The following RNF144A variants were observed in gnomAD, a reference collection of about 807,000 sequenced individuals.
RNF144A encodes the protein ring finger protein 144A, also known as E3 ubiquitin-protein ligase RNF144A.
In RNF144A, 11 loss-of-function variants were observed where a neutral mutation model predicts 38.7. The ratio of observed to expected loss-of-function variants is 0.28; its 90% CI spans 0.18 to 0.47. The LOEUF (loss-of-function observed/expected upper bound fraction) is 0.47. Ranked by LOEUF, RNF144A falls within the 20% of genes least tolerant of loss-of-function variation. The pLI, the probability that RNF144A is intolerant of heterozygous loss-of-function variation, is 0.99. For missense variants in RNF144A, 316 were observed against 377.2 expected (o/e 0.84, Z 1.34); for synonymous variants, 149 against 143.9 (o/e 1.04, Z -0.25).
In RNF144A at chr2:6,917,612, A is replaced by AGCAGGCCCAGGTAGAGTGACGC. The variant is rs1212337006; in HGVS notation, c.-219_-212+14dup. The AGCAGGCCCAGGTAGAGTGACGC allele has an allele frequency of 3.7e-4, 55 of 147,686 alleles. No individual in the cohort carries two copies. Among genetic ancestry groups the AGCAGGCCCAGGTAGAGTGACGC allele is most frequent in the African/African-American group, 1.2e-3 (48 of 40,978 alleles). The allele number at this position is 147,686 out of a possible 1,614,324, so 9.1% of individuals were successfully genotyped here. ...GCGTCAGAGCCGCGCACCGCGGACG[A>AGCAGGCCCAGGTAGAGTGACGC]GCAGGCCCAGGTAGAGTGACGCGCG... On this transcript the variant is annotated 5_prime_UTR_variant, in exon 1 of 9. Transcript: ENST00000320892. The surrounding 1 kb of genome is among the most constrained non-coding windows in gnomAD (Gnocchi z 4.8).
At chr2:6,995,055 G>T (rs1161137159) in intron 2 of RNF144A, among the ~76,000 whole-genome samples, 1 of 152,064 alleles carries the variant, frequency 6.6e-6, no homozygotes, top group Non-Finnish European at 1.5e-5. Context: ...CTCCCTCCTG[G>T]TAGAATTCTC....
At chr2:7,048,914 A>T (rs1673409873), downstream of RNF144A, among the ~76,000 whole-genome samples, 1 of 152,172 alleles carries the variant, frequency 6.6e-6, no homozygotes. Flanking sequence ...TTCATTGGAT[A>T]CCTACTTTGC....
At chr2:6,938,235 T>TCTCCC (rs1248251604) in intron 1 of RNF144A, among the ~76,000 whole-genome samples, 26 of 116,726 alleles carry the variant, frequency 2.2e-4, no homozygotes, top group Admixed American at 1.6e-3. Context: ...CCCCTCCCCC[T>TCTCCC]CTCCCCTCCC....
At chr2:6,947,516 A>T (rs999916026) in intron 2 of RNF144A, among the ~76,000 whole-genome samples, 35 of 152,334 alleles carry the variant, frequency 2.3e-4, no homozygotes, top group Admixed American at 1.3e-4. Flanking sequence ...GCCCGAGAAG[A>T]AAGTTTCTAC....
At chr2:6,969,676 G>GA (rs991035096) in intron 2 of RNF144A, among the ~76,000 whole-genome samples, 1 of 152,236 alleles carries the variant, frequency 6.6e-6, no homozygotes, top group Non-Finnish European at 1.5e-5. Context: ...TGCCACAGGT[G>GA]AAAACATTCA....
intron 8 of RNF144A, among the ~76,000 whole-genome samples, chr2:7,031,825 C>T (rs752772222): frequency 2.6e-5 from 4 of 152,250 alleles, no homozygotes; most frequent in Non-Finnish European, 5.9e-5. Context: ...TTCTTGGCCT[C>T]GCAGGCCGTA....
chr2:7,041,597 G>GC lies in RNF144A; in HGVS notation c.*1838dup. ...AGAATAGCTTTTCTGGAGGTGGGTGGCAACTCCACGCGGGAGTCATTGGCT... is the reference window on the plus strand; with the variant it reads ...AGAATAGCTTTTCTGGAGGTGGGTGGCCAACTCCACGCGGGAGTCATTGGCT... On this transcript the variant is annotated 3_prime_UTR_variant, in exon 9 of 9. Transcript: ENST00000320892. 1 of 985,896 alleles carries GC rather than the reference G, an allele frequency of 1.0e-6. No homozygotes were observed. 61.1% of individuals were successfully genotyped at this position (985,896 alleles called of 1,614,324 possible). A position where few individuals can be genotyped will look rare whatever the true frequency, so the allele number is the denominator to read the frequency against.
At position 7,043,625 on chromosome 2, in the gene RNF144A, C is replaced by A; in HGVS notation, c.*3865C>A. The A allele has an allele frequency of 1.0e-6, 1 of 985,670 alleles. No individual in the cohort carries two copies. 61.1% of individuals were successfully genotyped at this position (985,670 alleles called of 1,614,324 possible). A position where few individuals can be genotyped will look rare whatever the true frequency, so the allele number is the denominator to read the frequency against. Reference sequence around the variant, plus strand: ...ATGAAGGGATTATGACAGGTATTACCAAAAACACCAAAAGGAACAAAGGGG... The same window carrying A: ...ATGAAGGGATTATGACAGGTATTACAAAAAACACCAAAAGGAACAAAGGGG... On this transcript the variant is annotated 3_prime_UTR_variant, in exon 9 of 9. Transcript: ENST00000320892.
chr2:6,997,882 A>G (rs1470258647), intron 3 of RNF144A, among the ~76,000 whole-genome samples: 1 of 152,216 alleles, frequency 6.6e-6, no homozygotes, highest in Admixed American at 6.5e-5. Context: ...CATGATAATT[A>G]TAGTTAATCA....
intron 2 of RNF144A, among the ~76,000 whole-genome samples, chr2:6,948,347 C>T (rs1293499101): frequency 6.6e-6 from 1 of 152,292 alleles, no homozygotes; most frequent in East Asian, 1.9e-4. Context: ...TGGATCCTGC[C>T]CAGAGGTCTA....
chr2:6,954,814 A>G (rs1214378445), intron 2 of RNF144A, among the ~76,000 whole-genome samples: 1 of 152,214 alleles, frequency 6.6e-6, no homozygotes, highest in Non-Finnish European at 1.5e-5. Flanking sequence ...ACACTTTGCA[A>G]ATGTGGAAAG....
downstream of RNF144A, among the ~76,000 whole-genome samples, chr2:7,072,131 T>G (rs1350285209): frequency 2.6e-5 from 4 of 152,240 alleles, no homozygotes; most frequent in Non-Finnish European, 5.9e-5. Flanking sequence ...GGGAAGTAGC[T>G]TTGGCATTGG....
chr2:7,074,007 T>A, the RNF144A span, among the ~76,000 whole-genome samples: 6 of 152,362 alleles, frequency 3.9e-5, no homozygotes, highest in Non-Finnish European at 7.3e-5. Context: ...ATCCTGTTAC[T>A]TTAGAACAGA....
intron 3 of RNF144A, among the ~76,000 whole-genome samples, chr2:7,011,839 C>A (rs1261983527): frequency 1.3e-5 from 2 of 152,148 alleles, no homozygotes; most frequent in African/African-American, 4.8e-5. Context: ...CAAGGTCAGG[C>A]GCTTGGAACG....
chr2:7,014,378 T>G lies in RNF144A; in HGVS notation c.136-76T>G, dbSNP rs1015737138. 6 of 982,782 alleles carry G rather than the reference T, an allele frequency of 6.1e-6. No homozygotes were observed. The African/African-American group carries it at 9.7e-5, about 16-fold the overall frequency. 60.9% of individuals were successfully genotyped at this position (982,782 alleles called of 1,614,324 possible). A position where few individuals can be genotyped will look rare whatever the true frequency, so the allele number is the denominator to read the frequency against. ...GTAATGGAATGATGTGCCTGGTCCT[T>G]TTTTTAATGCATCATGGTTTCTTCA... On this transcript the variant is annotated intron_variant, in intron 3 of 8. Transcript: ENST00000320892.
intron 2 of RNF144A, among the ~76,000 whole-genome samples, chr2:6,949,466 G>A (rs1666542956): frequency 1.4e-5 from 2 of 145,632 alleles, no homozygotes; most frequent in Non-Finnish European, 3.0e-5. Context: ...TAAATTGAAA[G>A]TGCATCATCT....
intron 2 of RNF144A, among the ~76,000 whole-genome samples, chr2:6,963,820 T>C (rs539529955): frequency 3.3e-5 from 5 of 152,306 alleles, no homozygotes; most frequent in African/African-American, 1.2e-4. Context: ...TAGTCCCTCC[T>C]CTCAGGCAGC....
chr2:6,990,710 C>T (rs137879961), intron 2 of RNF144A, among the ~76,000 whole-genome samples: 43 of 152,070 alleles, frequency 2.8e-4, no homozygotes, highest in Admixed American at 3.9e-4. Flanking sequence ...CCATAGTTTA[C>T]GCTAGGTTTC....
intron 6 of RNF144A, among the ~76,000 whole-genome samples, chr2:7,063,303 T>A (rs978415868): frequency 3.9e-5 from 6 of 152,086 alleles, no homozygotes; most frequent in African/African-American, 1.4e-4. Flanking sequence ...CGGGGAGAAA[T>A]AAGCAGCTCT....
Sources: allele counts gnomAD v4.1 joint callset (sites outside exome capture counted in the v4.1 genomes callset), GRCh38; gene constraint gnomAD v4.1.1; non-coding constraint Gnocchi (gnomAD v3.1); transcripts MANE v1.5; gene names NCBI Gene and HGNC (gene_info 2026-07-23, HGNC 2026-07-21).